POU2F1: variants seen among roughly 807,000 people sequenced by gnomAD.
POU2F1 encodes POU class 2 homeobox 1.
POU2F1 carries 16 observed loss-of-function variants against 84.9 expected under a neutral mutation model. The observed-to-expected ratio is 0.19, with a 90% CI of 0.13 to 0.29. The LOEUF (loss-of-function observed/expected upper bound fraction) is 0.29. Among genes scored for constraint, POU2F1 ranks in the 10% least tolerant of loss-of-function variants. The pLI is 1.00. For synonymous variants in POU2F1, 368 were observed against 368.3 expected, an observed-to-expected ratio of 1.00 and a Z score of 0.01; for missense variants, 738 against 942.6, an observed-to-expected ratio of 0.78 and a Z score of 2.84.
intron 13 of POU2F1, among the ~76,000 whole-genome samples, chr1:167,411,397 T>C (rs1649955916): frequency 6.7e-6 from 1 of 148,946 alleles, no homozygotes; most frequent in Non-Finnish European, 1.5e-5. Context: ...ATAGTATCAT[T>C]GTATGTTGTT....
At chr1:167,242,671 A>T (rs1011561405) in intron 1 of POU2F1, among the ~76,000 whole-genome samples, 5 of 152,212 alleles carry the variant, frequency 3.3e-5, no homozygotes, top group African/African-American at 1.2e-4. Flanking sequence ...GTCACAGCTT[A>T]ACCTGTTTAT....
intron 1 of POU2F1, among the ~76,000 whole-genome samples, chr1:167,297,705 A>G (rs1344435859): frequency 2.0e-5 from 3 of 152,198 alleles, no homozygotes; most frequent in Non-Finnish European, 4.4e-5. Flanking sequence ...GGCAACCAGC[A>G]TGTACTACTA....
At chr1:167,333,897 G>A (rs1200308538) in intron 2 of POU2F1, among the ~76,000 whole-genome samples, 1 of 152,130 alleles carries the variant, frequency 6.6e-6, no homozygotes, top group Non-Finnish European at 1.5e-5. Flanking sequence ...TGTGGGAAAT[G>A]TTTGCAGAGA....
At chr1:167,341,964 G>A (rs1008055143) in intron 2 of POU2F1, among the ~76,000 whole-genome samples, 4 of 152,090 alleles carry the variant, frequency 2.6e-5, no homozygotes, top group African/African-American at 7.2e-5. Flanking sequence ...ACCCCCAGTC[G>A]AATTCCTCTC....
chr1:167,277,297 C>T lies in POU2F1; in HGVS notation c.62-55173C>T, dbSNP rs562114407. Among the ~76,000 whole-genome samples the T allele has an allele frequency of 2.0e-4, 31 of 151,868 alleles. 1 individual carries two copies. The South Asian group carries it at 5.4e-3, about 27-fold the overall frequency. ...TGCTGCCTAGGCTGGAGTGCAGTGG[C>T]GCAATCATAGCTCACTGCAACCTCA... On this transcript the variant is annotated intron_variant, in intron 1 of 15. Coordinates refer to ENST00000367866, the MANE Select transcript of POU2F1 (RefSeq NM_002697.4).
At chr1:167,381,516 C>CT (rs1356880649) in intron 7 of POU2F1, among the ~76,000 whole-genome samples, 2 of 150,806 alleles carry the variant, frequency 1.3e-5, no homozygotes, top group Non-Finnish European at 3.0e-5. Flanking sequence ...ATTAAACTAA[C>CT]TTTCATTGTT....
At chr1:167,386,028 A>G (rs1352660883) in intron 8 of POU2F1, among the ~76,000 whole-genome samples, 1 of 152,194 alleles carries the variant, frequency 6.6e-6, no homozygotes, top group Non-Finnish European at 1.5e-5. Flanking sequence ...TGATCAGGAA[A>G]ATTTAAATGA....
chr1:167,233,687 AAC>A (rs904085168), intron 1 of POU2F1, among the ~76,000 whole-genome samples: 5 of 152,228 alleles, frequency 3.3e-5, no homozygotes, highest in Non-Finnish European at 7.3e-5. Context: ...AACTAATGAA[AAC>A]ACAGCACTTT....
Position 167,230,501 on chromosome 1 carries a change from C to T in POU2F1, c.61+9543C>T, listed in dbSNP as rs187210457. Among the ~76,000 whole-genome samples the T allele has an allele frequency of 2.6e-5, 4 of 152,164 alleles. No homozygotes were observed. In the East Asian group the frequency reaches 5.8e-4, roughly 22 times the overall value. On this transcript the variant is annotated intron_variant, in intron 1 of 15. Coordinates refer to ENST00000367866, the MANE Select transcript of POU2F1 (RefSeq NM_002697.4). ...ATTGGAGCAAGAAAAGCATTTTCCT[C>T]CTCCTTTCCACAGTAGCTTTTGAGG...
chr1:167,371,686 G>A (rs1458045474), intron 4 of POU2F1, among the ~76,000 whole-genome samples: 2 of 152,042 alleles, frequency 1.3e-5, no homozygotes, highest in African/African-American at 4.8e-5. Flanking sequence ...AATTTGTGGG[G>A]GATGACTTTA....
chr1:167,249,513 G>A (rs1454660226), intron 1 of POU2F1, among the ~76,000 whole-genome samples: 1 of 152,202 alleles, frequency 6.6e-6, no homozygotes, highest in African/African-American at 2.4e-5. Flanking sequence ...TTAGGATGTG[G>A]AACAGAAGGA....
At position 167,399,272 on chromosome 1, in the gene POU2F1, C is replaced by T. The variant is rs1227025261; in HGVS notation, c.1356C>T (p.Asn452=). 1 of 1,613,990 alleles carries T rather than the reference C, an allele frequency of 6.2e-7. No homozygotes were observed. The highest frequency in any genetic ancestry group is 1.7e-5 in the Admixed American group (1 of 60,016). The change falls in exon 12 of 16, where the codon AAC becomes AAT. Residue 452 remains asparagine, a synonymous_variant. Coordinates refer to ENST00000367866, the MANE Select transcript of POU2F1 (RefSeq NM_002697.4). ...EKEVIRVWFC[N]RRQKEKRINP... Reference sequence around the variant, plus strand: ...AGGTGATTCGTGTTTGGTTCTGTAACCGCCGCCAGAAAGAAAAAAGAATCA... The same window carrying T: ...AGGTGATTCGTGTTTGGTTCTGTAATCGCCGCCAGAAAGAAAAAAGAATCA...
At position 167,374,146 on chromosome 1, in the gene POU2F1, GCAGGCA is replaced by G. The variant is rs769166171; in HGVS notation, c.457_462del (p.Ala153_Gln154del). 6.8e-6 allele frequency: 11 copies of G among 1,613,986 alleles called. No homozygotes were observed. The highest frequency in any genetic ancestry group is 1.3e-5 in the African/African-American group (1 of 74,902). On this transcript the variant is annotated inframe_deletion, in exon 6 of 16. Coordinates refer to ENST00000367866, the MANE Select transcript of POU2F1 (RefSeq NM_002697.4). ...CTGCCCAGCAACAGTTACTACTCCA[GCAGGCA>G]CAGGCACAGGCACAGCTGCTGGCTG...
chr1:167,353,321 A>G (rs553377732), intron 2 of POU2F1, among the ~76,000 whole-genome samples: 2 of 149,058 alleles, frequency 1.3e-5, no homozygotes, highest in Non-Finnish European at 3.0e-5. Flanking sequence ...TCAATACTTT[A>G]CATTTTTCTG....
intron 1 of POU2F1, among the ~76,000 whole-genome samples, chr1:167,270,379 T>C (rs1233866756): frequency 6.6e-6 from 1 of 152,178 alleles, no homozygotes; most frequent in East Asian, 1.9e-4. Flanking sequence ...CTTGTTTTGT[T>C]TTTTTGGGTA....
At chr1:167,290,308 G>C (rs901163818) in intron 1 of POU2F1, among the ~76,000 whole-genome samples, 13 of 152,196 alleles carry the variant, frequency 8.5e-5, no homozygotes, top group East Asian at 1.9e-4. Context: ...GAGGTGAGAG[G>C]ATTGATTGAA....
chr1:167,416,102 A>T lies in POU2F1; in HGVS notation c.*292A>T, dbSNP rs772994537. ...AACCAAAAATTAAAAAAAAAAAAAA[A>T]AAAAGAAACAAAAAAATCAAAAACA... On this transcript the variant is annotated 3_prime_UTR_variant, in exon 16 of 16. Coordinates refer to ENST00000367866, the MANE Select transcript of POU2F1 (RefSeq NM_002697.4). 7.3e-6 allele frequency: 4 copies of T among 544,604 alleles called. 1 individual carries two copies. In the East Asian group the frequency reaches 1.6e-4, roughly 22 times the overall value. 33.7% of individuals were successfully genotyped at this position (544,604 alleles called of 1,614,324 possible). A position where few individuals can be genotyped will look rare whatever the true frequency, so the allele number is the denominator to read the frequency against.
intron 2 of POU2F1, among the ~76,000 whole-genome samples, chr1:167,351,602 C>T (rs908915956): frequency 1.4e-5 from 2 of 143,700 alleles, no homozygotes; most frequent in Admixed American, 6.9e-5. Flanking sequence ...AATGATTAAA[C>T]GTCCTAAGGA....
chr1:167,323,154 A>C (rs925867207), intron 1 of POU2F1, among the ~76,000 whole-genome samples: 3 of 152,232 alleles, frequency 2.0e-5, no homozygotes, highest in Non-Finnish European at 4.4e-5. Flanking sequence ...TTAATGATTG[A>C]AATCAGTGAC....
Sources: allele counts gnomAD v4.1 joint callset (sites outside exome capture counted in the v4.1 genomes callset), GRCh38; gene constraint gnomAD v4.1.1; transcripts MANE v1.5; gene names NCBI Gene and HGNC (gene_info 2026-07-23, HGNC 2026-07-21).